Variants in DAB2IP observed in about 807,000 individuals in gnomAD.
The protein encoded by DAB2IP is disabled homolog 2-interacting protein.
In DAB2IP, 28 loss-of-function variants were observed where a neutral mutation model predicts 107.2. The ratio of observed to expected loss-of-function variants is 0.26; its 90% CI spans 0.19 to 0.36. The LOEUF (loss-of-function observed/expected upper bound fraction) is 0.36, where lower values mean the gene tolerates loss of function less well. Ranked by LOEUF, DAB2IP falls within the 10% of genes least tolerant of loss-of-function variation. The pLI is 1.00. For missense variants in DAB2IP, 1,400 were observed against 1,644.7 expected (o/e 0.85, Z 2.57); for synonymous variants, 755 against 706.4 (o/e 1.07, Z -1.09).
At chr9:121,603,726 G>T (rs1046375555) in intron 1 of DAB2IP, among the ~76,000 whole-genome samples, 7 of 152,132 alleles carry the variant, frequency 4.6e-5, no homozygotes, top group Non-Finnish European at 7.4e-5. Context: ...AAAACGTTAG[G>T]TTTCTTTTCT....
intron 8 of DAB2IP, 104 bp downstream of exon 8, chr9:121,763,983 A>T: frequency 6.7e-7 from 1 of 1,503,004 alleles, no homozygotes; most frequent in African/African-American, 1.4e-5. Context: ...CCTGAGTTGT[A>T]CTGACTTGCC....
intron 3 of DAB2IP, among the ~76,000 whole-genome samples, chr9:121,716,598 A>C (rs1051380711): frequency 6.6e-6 from 1 of 152,172 alleles, no homozygotes; most frequent in Non-Finnish European, 1.5e-5. Context: ...GAGAGTATAG[A>C]GGGGATCCAT....
chr9:121,723,499 A>T (rs1236927608), intron 3 of DAB2IP, among the ~76,000 whole-genome samples: 1 of 152,228 alleles, frequency 6.6e-6, no homozygotes, highest in Non-Finnish European at 1.5e-5. Flanking sequence ...GCCAGGAACC[A>T]GGTCCAGGGA....
At chr9:121,677,041 C>T (rs2119131919) in intron 1 of DAB2IP, among the ~76,000 whole-genome samples, 2 of 152,326 alleles carry the variant, frequency 1.3e-5, no homozygotes, top group Middle Eastern at 6.8e-3. Flanking sequence ...GATTATCAGC[C>T]TCTCTTGAAC....
intron 1 of DAB2IP, among the ~76,000 whole-genome samples, chr9:121,621,636 CTTT>C (rs538942620): frequency 1.3e-4 from 17 of 134,854 alleles, no homozygotes; most frequent in African/African-American, 2.3e-4. Context: ...TCTTTTTTTC[CTTT>C]TTTTTTTTTT....
chr9:121,567,729 C>T (rs1829842043), intron 1 of DAB2IP, among the ~76,000 whole-genome samples: 2 of 152,142 alleles, frequency 1.3e-5, no homozygotes, highest in African/African-American at 4.8e-5. Flanking sequence ...CTGCCCAGGC[C>T]ACTGGAAGCT....
At chr9:121,757,831 A>G (rs1339517627) in intron 4 of DAB2IP, among the ~76,000 whole-genome samples, 1 of 152,258 alleles carries the variant, frequency 6.6e-6, no homozygotes, top group Admixed American at 6.5e-5. Context: ...AGTTTCTGGG[A>G]AGATTCCTAC....
intron 3 of DAB2IP, among the ~76,000 whole-genome samples, chr9:121,739,213 T>A (rs1163824924): frequency 6.6e-6 from 1 of 152,234 alleles, no homozygotes; most frequent in Admixed American, 6.5e-5. Flanking sequence ...GCCTGCCAGT[T>A]TGCTGTTAGA....
At chr9:121,737,631 G>A (rs890612141) in intron 3 of DAB2IP, 4 of 985,276 alleles carry the variant, frequency 4.1e-6, no homozygotes, top group Non-Finnish European at 4.8e-6. Flanking sequence ...GGCCATCTTC[G>A]GAAGCCAGAT....
At chr9:121,575,769 T>G (rs1190835299) in intron 1 of DAB2IP, among the ~76,000 whole-genome samples, 1 of 152,124 alleles carries the variant, frequency 6.6e-6, no homozygotes, top group Non-Finnish European at 1.5e-5. Flanking sequence ...GGATACGCCC[T>G]GGGCTGCTTA....
chr9:121,668,490 C>T (rs183633037), intron 1 of DAB2IP, among the ~76,000 whole-genome samples: 4 of 152,216 alleles, frequency 2.6e-5, no homozygotes, highest in Admixed American at 2.6e-4. Context: ...CTTCCTGCCT[C>T]GGCCTCCCAA....
At chr9:121,783,477 A>C (rs980283531) in exon 16 of DAB2IP, 67 of 1,613,890 alleles carry the variant, frequency 4.2e-5, no homozygotes, top group Middle Eastern at 3.3e-4. Flanking sequence ...TTAAAAAAAG[A>C]TTCTAACGCC....
At chr9:121,650,515 A>AC (rs1219438480), upstream of DAB2IP, among the ~76,000 whole-genome samples, 8 of 151,380 alleles carry the variant, frequency 5.3e-5, no homozygotes, top group Non-Finnish European at 1.2e-4. Context: ...GGTGACTCAC[A>AC]CCCCCCACCC....
chr9:121,699,360 G>C lies in DAB2IP; in HGVS notation c.264G>C (p.Lys88Asn). ...GCCGCCGCCTCAAGGGCTCCATCAA[G>C]CGCACCAAGAGCCAGCCCAAGCTGG... Residue 88 changes from lysine to asparagine, a missense_variant, in exon 3 of 16, where the codon AAG becomes AAC. This residue lies in a region of DAB2IP where 283 missense variants were observed against 237.0 expected (regional missense o/e 1.19). Transcript: ENST00000408936. This position sits in a 1 kb window ranked among gnomAD's most constrained non-coding sequence, Gnocchi z 6.2. 1 of 1,471,048 alleles carries C rather than the reference G, an allele frequency of 6.8e-7. No homozygotes were observed. The highest frequency in any genetic ancestry group is 9.1e-7 in the Non-Finnish European group (1 of 1,100,160). 91.1% of individuals were successfully genotyped at this position (1,471,048 alleles called of 1,614,324 possible). A position where few individuals can be genotyped will look rare whatever the true frequency, so the allele number is the denominator to read the frequency against.
intron 1 of DAB2IP, among the ~76,000 whole-genome samples, chr9:121,591,350 T>C (rs1210702478): frequency 6.6e-6 from 1 of 152,204 alleles, no homozygotes; most frequent in African/African-American, 2.4e-5. Flanking sequence ...ATGCCTGTAA[T>C]TCCAGCTACT....
At chr9:121,636,359 GAGA>G (rs1332734841) in intron 1 of DAB2IP, among the ~76,000 whole-genome samples, 3 of 152,248 alleles carry the variant, frequency 2.0e-5, no homozygotes, top group Non-Finnish European at 4.4e-5. Context: ...CAAAGTGACT[GAGA>G]AGAAGGAAAC....
chr9:121,709,435 C>T (rs144802851), intron 3 of DAB2IP, among the ~76,000 whole-genome samples: 3 of 152,296 alleles, frequency 2.0e-5, no homozygotes, highest in East Asian at 3.9e-4. Context: ...GGTGCTTTCT[C>T]GTGCATTTGC....
upstream of DAB2IP, among the ~76,000 whole-genome samples, chr9:121,649,303 G>A (rs1832656336): frequency 4.7e-5 from 5 of 106,464 alleles, 2 homozygotes. Context: ...CACAGAGAAG[G>A]ACTTGAAAAG....
chr9:121,700,835 C>A (rs1189681611), intron 3 of DAB2IP, among the ~76,000 whole-genome samples: 1 of 152,190 alleles, frequency 6.6e-6, no homozygotes, highest in African/African-American at 2.4e-5. Flanking sequence ...TGAGGCGGGA[C>A]CCTCAGCCTT....
Sources: allele counts gnomAD v4.1 joint callset (sites outside exome capture counted in the v4.1 genomes callset), GRCh38; gene constraint gnomAD v4.1.1; regional missense constraint gnomAD v4.1.1; non-coding constraint Gnocchi (gnomAD v3.1); transcripts MANE v1.5; gene names NCBI Gene and HGNC (gene_info 2026-07-23, HGNC 2026-07-21).